The following SIPA1L1 variants were observed in gnomAD, a reference collection of about 807,000 sequenced individuals.
The protein encoded by SIPA1L1 is signal-induced proliferation-associated 1-like protein 1.
SIPA1L1 carries 26 observed loss-of-function variants against 162.7 expected under a neutral mutation model. The observed-to-expected ratio is 0.16, with a 90% CI of 0.12 to 0.22. The LOEUF is 0.22. SIPA1L1 is among the 10% of genes least tolerant of loss of function. The pLI, the probability that SIPA1L1 is intolerant of heterozygous loss-of-function variation, is 1.00. For synonymous variants in SIPA1L1, 829 were observed against 837.4 expected, an observed-to-expected ratio of 0.99 and a Z score of 0.17; for missense variants, 1,874 against 2,241.0, an observed-to-expected ratio of 0.84 and a Z score of 3.31.
At chr14:71,480,226 G>A (rs2048239438) in intron 2 of SIPA1L1, among the ~76,000 whole-genome samples, 1 of 151,734 alleles carries the variant, frequency 6.6e-6, no homozygotes, top group Admixed American at 6.6e-5. Flanking sequence ...GGGATTACAG[G>A]CGTTTGCCAC....
chr14:71,722,372 T>C lies in SIPA1L1; in HGVS notation c.4209-1275T>C, dbSNP rs78126898. On this transcript the variant is annotated intron_variant, in intron 17 of 23. Coordinates refer to ENST00000381232, the MANE Select transcript of SIPA1L1 (RefSeq NM_001386936.1). ...TGATACAGTATTATTAACTAGAGTC[T>C]GTACTTTATTTAGGTCAGGACGATT... is the stretch of plus-strand genomic sequence containing the variant. Among the ~76,000 whole-genome samples the C allele has an allele frequency of 8.4e-3, 1,273 of 152,344 alleles. 13 individuals carry two copies. The highest frequency in any genetic ancestry group is 0.024 in the African/African-American group (1,005 of 41,570).
chr14:71,582,163 G>A (rs1257626072), intron 4 of SIPA1L1, among the ~76,000 whole-genome samples: 4 of 151,952 alleles, frequency 2.6e-5, no homozygotes, highest in African/African-American at 9.7e-5. Flanking sequence ...GCAATACCCT[G>A]TTTCTACAAA....
At chr14:71,727,285 T>C (rs954663599) in intron 19 of SIPA1L1, among the ~76,000 whole-genome samples, 4 of 152,018 alleles carry the variant, frequency 2.6e-5, no homozygotes, top group African/African-American at 9.7e-5. Context: ...AGGTGACACA[T>C]GTCACTAATA....
At chr14:71,335,044 A>G (rs948073481) in intron 2 of SIPA1L1, among the ~76,000 whole-genome samples, 3 of 152,248 alleles carry the variant, frequency 2.0e-5, no homozygotes, top group African/African-American at 7.2e-5. Flanking sequence ...TCACGCCTGT[A>G]ATCCCAAGCG....
intron 22 of SIPA1L1, 22 bp from the exon 23 acceptor site, chr14:71,738,219 G>T: frequency 6.8e-7 from 1 of 1,471,278 alleles, no homozygotes; most frequent in Non-Finnish European, 9.4e-7. Context: ...TGCCAACATG[G>T]TCTTTTGTTT....
Position 71,440,646 on chromosome 14 carries a change from CAAAAAAA to C in SIPA1L1, c.-464-72077_-464-72071del, listed in dbSNP as rs397853535. Among the ~76,000 whole-genome samples the C allele has an allele frequency of 2.6e-3, 143 of 55,702 alleles. No individual in the cohort carries two copies. The East Asian group carries it at 0.048, about 19-fold the overall frequency. The allele number at this position is 55,702 out of a possible 152,430, so 36.5% of individuals were successfully genotyped here. On this transcript the variant is annotated intron_variant, in intron 2 of 23. Transcript: ENST00000381232. ...CTTGGGTGACAGTGAGAACCCATCT[CAAAAAAA>C]AAAAAAAAAAAAAAAAAAAGGAAAA...
At chr14:71,388,321 T>C (rs1227901414) in intron 2 of SIPA1L1, among the ~76,000 whole-genome samples, 1 of 152,216 alleles carries the variant, frequency 6.6e-6, no homozygotes, top group African/African-American at 2.4e-5. Context: ...TGACCCAAGC[T>C]ACAAAGAAGT....
rs1402946066 is a variant in SIPA1L1 at position 71,703,770 on chromosome 14, T to G, written c.3646+1265T>G. On this transcript the variant is annotated intron_variant, in intron 15 of 23. Coordinates refer to ENST00000381232, the MANE Select transcript of SIPA1L1 (RefSeq NM_001386936.1). ...AGCAAGCCCTTTGTGAGGCATGCAG[T>G]GTCATGCCTCCCACTCTCGGGAAGT... is the stretch of plus-strand genomic sequence containing the variant. Among the ~76,000 whole-genome samples, 5 of 152,258 alleles carry G rather than the reference T, an allele frequency of 3.3e-5. No individual in the cohort carries two copies. The East Asian group carries it at 9.7e-4, about 29-fold the overall frequency.
chr14:71,414,916 C>T (rs1595340148), intron 2 of SIPA1L1, among the ~76,000 whole-genome samples: 1 of 148,068 alleles, frequency 6.8e-6, no homozygotes, highest in African/African-American at 2.4e-5. Context: ...TTGAGAAAAA[C>T]AACAGCTTAA....
intron 2 of SIPA1L1, among the ~76,000 whole-genome samples, chr14:71,431,472 C>T (rs1014748617): frequency 6.6e-5 from 10 of 151,952 alleles, no homozygotes; most frequent in Non-Finnish European, 1.0e-4. Flanking sequence ...GCAGGAGAAT[C>T]GCGTGAGTCC....
Position 71,505,386 on chromosome 14 carries a change from G to A in SIPA1L1, c.-464-7357G>A, listed in dbSNP as rs1246874834. 2.0e-5 allele frequency among the ~76,000 whole-genome samples: 3 copies of A among 147,636 alleles called. No homozygotes were observed. In the South Asian group the frequency reaches 6.4e-4, roughly 32 times the overall value. ...TTTGTGAAAACTTACCGTTACTGCT[G>A]TCTAACATTGGGATCTCACAGCTCT... On this transcript the variant is annotated intron_variant, in intron 2 of 23. Transcript: ENST00000381232.
intron 7 of SIPA1L1, among the ~76,000 whole-genome samples, chr14:71,624,739 C>T (rs2039800676): frequency 6.6e-6 from 1 of 152,138 alleles, no homozygotes; most frequent in Non-Finnish European, 1.5e-5. Context: ...AATCCAATTT[C>T]ACACAGTTAG....
chr14:71,546,926 T>G (rs2055270828), intron 4 of SIPA1L1, among the ~76,000 whole-genome samples: 2 of 152,200 alleles, frequency 1.3e-5, no homozygotes, highest in South Asian at 4.1e-4. Context: ...TGTGCAGTCA[T>G]CCAAGATTGA....
chr14:71,645,306 TA>T (rs1280912146), intron 7 of SIPA1L1, among the ~76,000 whole-genome samples: 2 of 152,222 alleles, frequency 1.3e-5, no homozygotes, highest in African/African-American at 2.4e-5. Context: ...TTGGCAATCT[TA>T]AGTCCTTCTA....
chr14:71,659,434 G>A (rs1331262462), intron 9 of SIPA1L1, among the ~76,000 whole-genome samples: 2 of 152,118 alleles, frequency 1.3e-5, no homozygotes, highest in East Asian at 1.9e-4. Context: ...AAAATAGAGA[G>A]CAAAGCAATG....
intron 2 of SIPA1L1, among the ~76,000 whole-genome samples, chr14:71,392,554 G>A (rs980933523): frequency 1.3e-5 from 2 of 151,846 alleles, no homozygotes; most frequent in African/African-American, 4.8e-5. Flanking sequence ...TTTTTGAGGA[G>A]TCTCGCTCTG....
chr14:71,519,845 T>C (rs1170190768), intron 3 of SIPA1L1, among the ~76,000 whole-genome samples: 2 of 151,266 alleles, frequency 1.3e-5, no homozygotes, highest in Non-Finnish European at 3.0e-5. Flanking sequence ...AAAAGATTGA[T>C]TGATTGACTG....
intron 2 of SIPA1L1, among the ~76,000 whole-genome samples, chr14:71,461,239 A>G (rs1009109500): frequency 1.3e-5 from 2 of 152,136 alleles, no homozygotes; most frequent in Non-Finnish European, 2.9e-5. Context: ...ACCCCGAGGA[A>G]TGGTGCCATA....
At chr14:71,547,292 CTTT>C (rs753714304) in intron 4 of SIPA1L1, among the ~76,000 whole-genome samples, 3 of 111,276 alleles carry the variant, frequency 2.7e-5, no homozygotes, top group Non-Finnish European at 1.9e-5. Flanking sequence ...ATGAAAATAA[CTTT>C]TTTTTTTTTT....
Sources: allele counts gnomAD v4.1 joint callset (sites outside exome capture counted in the v4.1 genomes callset), GRCh38; gene constraint gnomAD v4.1.1; transcripts MANE v1.5; gene names NCBI Gene and HGNC (gene_info 2026-07-23, HGNC 2026-07-21).